BRD4: variants seen among roughly 807,000 people sequenced by gnomAD.
The protein encoded by BRD4 is bromodomain containing 4.
In BRD4, 16 loss-of-function variants were observed where a neutral mutation model predicts 142.1. The ratio of observed to expected loss-of-function variants is 0.11; its 90% CI spans 0.08 to 0.17. The LOEUF (loss-of-function observed/expected upper bound fraction) is 0.17. Ranked by LOEUF, BRD4 falls within the 10% of genes least tolerant of loss-of-function variation. The probability of loss-of-function intolerance (pLI) is 1.00; values close to 1 mark genes in which losing one functional copy is unlikely to be tolerated. For synonymous variants in BRD4, 833 were observed against 707.5 expected, an observed-to-expected ratio of 1.18 and a Z score of -2.82; for missense variants, 1,424 against 1,810.9, an observed-to-expected ratio of 0.79 and a Z score of 3.88.
In BRD4 at chr19:15,239,354, C is replaced by T. The variant is rs199756709; in HGVS notation, c.3576+38G>A. The T allele has an allele frequency of 7.4e-6, 12 of 1,614,148 alleles. No homozygotes were observed. Among genetic ancestry groups the T allele is most frequent in the African/African-American group, 1.3e-5 (1 of 75,056 alleles). On this transcript the variant is annotated intron_variant, in intron 17 of 19. Coordinates refer to ENST00000679869, the MANE Select transcript of BRD4 (RefSeq NM_001379291.1). The surrounding 1 kb of genome is among the most constrained non-coding windows in gnomAD (Gnocchi z 7.4). ...GTGCCCAGCATGGCACCTTCCAGGG[C>T]CAAGGGGCAAGCGACACCCATGGAC...
At chr19:15,263,145 A>C (rs1391287092) in intron 7 of BRD4, among the ~76,000 whole-genome samples, 1 of 152,172 alleles carries the variant, frequency 6.6e-6, no homozygotes, top group East Asian at 1.9e-4. Flanking sequence ...TGTAGAAGAG[A>C]CTGGGCCATG....
At chr19:15,324,914 C>T (rs2048094281) in intron 1 of BRD4, among the ~76,000 whole-genome samples, 1 of 152,194 alleles carries the variant, frequency 6.6e-6, no homozygotes, top group African/African-American at 2.4e-5. Context: ...TTTCAAGCAC[C>T]TCTTCCACTG....
chr19:15,243,348 TTGGGCCATGGGGGGC>T lies in BRD4; in HGVS notation c.2706_2720del (p.Met905_Pro909del). 4 of 1,088,194 alleles carry T rather than the reference TTGGGCCATGGGGGGC, an allele frequency of 3.7e-6. No individual in the cohort carries two copies. Among genetic ancestry groups the T allele is most frequent in the Admixed American group, 8.5e-5 (2 of 23,406 alleles). 67.4% of individuals were successfully genotyped at this position (1,088,194 alleles called of 1,614,324 possible). Reference sequence around the variant, plus strand: ...CATCCTCCAGCAGCACTTGGGGGGGTTGGGCCATGGGGGGCTGTGGGAGCAGGGGTGTTTGGGTCA... The same window carrying T: ...CATCCTCCAGCAGCACTTGGGGGGGTTGTGGGAGCAGGGGTGTTTGGGTCA... On this transcript the variant is annotated inframe_deletion, in exon 14 of 20. Transcript: ENST00000679869.
chr19:15,313,167 C>T lies in BRD4; in HGVS notation c.-35+19123G>A, dbSNP rs1389909719. Among the ~76,000 whole-genome samples, 4 of 150,402 alleles carry T rather than the reference C, an allele frequency of 2.7e-5. No homozygotes were observed. In the East Asian group the frequency reaches 6.1e-4, roughly 23 times the overall value. ...CGGGCGGATCACGAGGTCAGGAGAT[C>T]GAGACCATCCTGGCTAACACGGTGA... On this transcript the variant is annotated intron_variant, in intron 1 of 19. Transcript: ENST00000679869.
At chr19:15,280,166 T>C (rs1188356411) in intron 1 of BRD4, 2 of 796,652 alleles carry the variant, frequency 2.5e-6, no homozygotes, top group Non-Finnish European at 3.1e-6. Flanking sequence ...ATCATCCCCA[T>C]GGGGACAGAG....
At chr19:15,253,585 C>T (rs2047371637) in intron 11 of BRD4, 1 of 1,585,366 alleles carries the variant, frequency 6.3e-7, no homozygotes, top group Non-Finnish European at 8.5e-7. Flanking sequence ...GCAACGAGCA[C>T]ACTCTGGGGA....
intron 14 of BRD4, 85 bp downstream of exon 14, chr19:15,242,815 A>G (rs1258770118): frequency 6.5e-7 from 1 of 1,536,730 alleles, no homozygotes; most frequent in Non-Finnish European, 8.8e-7. Flanking sequence ...AGCCTGAAGC[A>G]TGAGTTAACC....
intron 11 of BRD4, chr19:15,245,137 C>A (rs370563466): frequency 9.8e-6 from 3 of 307,298 alleles, no homozygotes; most frequent in East Asian, 1.6e-4. Flanking sequence ...AGTTTTCCAA[C>A]AACCTGTGAT....
At chr19:15,303,146 T>C (rs1188562064) in intron 1 of BRD4, among the ~76,000 whole-genome samples, 1 of 152,058 alleles carries the variant, frequency 6.6e-6, no homozygotes, top group African/African-American at 2.4e-5. Flanking sequence ...ACAGTCCATG[T>C]AGGGTACACT....
chr19:15,252,179 A>G (rs1249224898), intron 11 of BRD4, among the ~76,000 whole-genome samples: 1 of 152,172 alleles, frequency 6.6e-6, no homozygotes, highest in Non-Finnish European at 1.5e-5. Flanking sequence ...AGGAGCCCAG[A>G]AGAGGGACGC....
At chr19:15,245,219 T>C (rs2047274980) in intron 11 of BRD4, among the ~76,000 whole-genome samples, 1 of 151,622 alleles carries the variant, frequency 6.6e-6, no homozygotes, top group Admixed American at 6.6e-5. Flanking sequence ...TTGTCCAGGG[T>C]CACATGGCTA....
At chr19:15,303,845 G>C (rs1036094765) in intron 1 of BRD4, among the ~76,000 whole-genome samples, 1 of 152,156 alleles carries the variant, frequency 6.6e-6, no homozygotes, top group African/African-American at 2.4e-5. Context: ...CAACATTACA[G>C]GGTTGAGAAG....
chr19:15,280,311 C>CA (rs1358985201), intron 1 of BRD4: 1 of 1,011,906 alleles, frequency 9.9e-7, no homozygotes, highest in African/African-American at 1.7e-5. Flanking sequence ...AGTCATCCTA[C>CA]ACGGGTCTTT....
chr19:15,241,321 T>TGA (rs2047236169), intron 14 of BRD4, among the ~76,000 whole-genome samples: 1 of 152,246 alleles, frequency 6.6e-6, no homozygotes, highest in Non-Finnish European at 1.5e-5. Flanking sequence ...CTGCTGAGGC[T>TGA]GACCTGGGCA....
intron 11 of BRD4, among the ~76,000 whole-genome samples, chr19:15,251,502 GAAA>G (rs1439550765): frequency 2.9e-4 from 37 of 126,512 alleles, no homozygotes; most frequent in Non-Finnish European, 4.8e-5. Flanking sequence ...AGACCAAAGG[GAAA>G]TAATGTTCCC....
chr19:15,319,783 A>G (rs1490309619), intron 1 of BRD4, among the ~76,000 whole-genome samples: 1 of 152,010 alleles, frequency 6.6e-6, no homozygotes, highest in Non-Finnish European at 1.5e-5. Flanking sequence ...AAAAAATACC[A>G]AAATTAGATG....
intron 1 of BRD4, among the ~76,000 whole-genome samples, chr19:15,330,487 C>T (rs572603631): frequency 1.4e-4 from 22 of 152,254 alleles, no homozygotes; most frequent in Admixed American, 1.4e-3. Context: ...TATTGGCGGC[C>T]GGGAACGGTG....
intron 1 of BRD4, among the ~76,000 whole-genome samples, chr19:15,322,236 A>G: frequency 6.6e-6 from 1 of 151,944 alleles, no homozygotes; most frequent in East Asian, 1.9e-4. Context: ...ATTGCAATCC[A>G]CCATATTTGT....
chr19:15,263,364 C>T, intron 7 of BRD4, 56 bp downstream of exon 7: 1 of 1,578,424 alleles, frequency 6.3e-7, no homozygotes, highest in Non-Finnish European at 8.6e-7. Context: ...GAAGTCTGCT[C>T]CCACGAGGAC....
Sources: gnomAD v4.1 joint callset for allele counts (sites outside exome capture counted in the v4.1 genomes callset) on GRCh38, gnomAD v4.1.1 for gene constraint, Gnocchi (gnomAD v3.1) non-coding constraint, MANE v1.5 for transcripts, NCBI Gene and HGNC (gene_info 2026-07-23, HGNC 2026-07-21) for gene names.